The following RASSF8 variants were observed in gnomAD, a reference collection of about 807,000 sequenced individuals.
The protein encoded by RASSF8 is Ras association domain family member 8.
A neutral mutation model predicts 48.5 loss-of-function variants in RASSF8; 22 were observed. The ratio of observed to expected loss-of-function variants is 0.45; its 90% CI spans 0.32 to 0.65. The LOEUF is 0.65. RASSF8 is among the 30% of genes least tolerant of loss of function. The pLI is 0.03. For missense variants in RASSF8, 418 were observed against 489.2 expected, an observed-to-expected ratio of 0.85 and a Z score of 1.37; for synonymous variants, 127 against 171.5, an observed-to-expected ratio of 0.74 and a Z score of 2.03.
intron 1 of RASSF8, among the ~76,000 whole-genome samples, chr12:25,988,436 G>A (rs188714328): frequency 4.6e-5 from 7 of 152,206 alleles, no homozygotes; most frequent in African/African-American, 1.4e-4. Flanking sequence ...GCTAAGATGG[G>A]GTTAACTAGA....
intron 2 of RASSF8, among the ~76,000 whole-genome samples, chr12:26,014,513 GT>G (rs1942601609): frequency 6.6e-6 from 1 of 152,154 alleles, no homozygotes; most frequent in Non-Finnish European, 1.5e-5. Context: ...GGTTTGGACA[GT>G]TGCACTTAAT....
At chr12:26,062,959 G>C (rs977383138) in intron 3 of RASSF8, among the ~76,000 whole-genome samples, 11 of 152,012 alleles carry the variant, frequency 7.2e-5, no homozygotes, top group African/African-American at 2.7e-4. Flanking sequence ...CCCAAATTCA[G>C]GTTTCCCTAA....
chr12:26,079,142 C>A, exon 6 of RASSF8: 1 of 1,085,042 alleles, frequency 9.2e-7, no homozygotes, highest in Non-Finnish European at 1.3e-6. Flanking sequence ...ACCCAAAACT[C>A]CTGCACAACA....
At chr12:26,019,921 G>A (rs1398045485) in intron 2 of RASSF8, among the ~76,000 whole-genome samples, 1 of 151,992 alleles carries the variant, frequency 6.6e-6, no homozygotes, top group East Asian at 1.9e-4. Context: ...TGTCTCTGAG[G>A]TACCTCAGAG....
At chr12:26,036,636 A>C (rs1222467800) in intron 2 of RASSF8, among the ~76,000 whole-genome samples, 1 of 152,142 alleles carries the variant, frequency 6.6e-6, no homozygotes, top group Non-Finnish European at 1.5e-5. Context: ...GGTCGAGCGC[A>C]GTGGCTCACG....
intron 1 of RASSF8, chr12:25,973,969 A>G (rs1017428100): frequency 7.9e-5 from 12 of 152,158 alleles, no homozygotes; most frequent in African/African-American, 1.9e-4. Context: ...AAATTTCTCT[A>G]TGAAGTGAGG....
intron 1 of RASSF8, among the ~76,000 whole-genome samples, chr12:25,984,703 G>A (rs7979763): frequency 0.36 from 54,717 of 152,028 alleles, 11,208 homozygotes; most frequent in Non-Finnish European, 0.46. Context: ...TTACCTTTTA[G>A]TGGAGGACAA....
chr12:26,062,313 T>A (rs978958314), intron 3 of RASSF8, among the ~76,000 whole-genome samples: 1 of 152,244 alleles, frequency 6.6e-6, no homozygotes, highest in African/African-American at 2.4e-5. Flanking sequence ...CTGAAAATCA[T>A]TGGAAACATT....
chr12:26,025,338 A>G (rs1368863005), intron 2 of RASSF8, among the ~76,000 whole-genome samples: 2 of 151,954 alleles, frequency 1.3e-5, no homozygotes, highest in Non-Finnish European at 2.9e-5. Context: ...CGGGCAGATC[A>G]CGAGGTCAGG....
rs200181958 is a variant in RASSF8 at position 25,993,362 on chromosome 12, GAA to G, written c.-202-1673_-202-1672del. On this transcript the variant is annotated intron_variant, in intron 1 of 5. Transcript: ENST00000689635. Reference sequence around the variant, plus strand: ...GAAGATAACAATTATGTCAGTTTTAGAAACTCATTCTCAGCTATCTACTTCCC... The same window carrying G: ...GAAGATAACAATTATGTCAGTTTTAGACTCATTCTCAGCTATCTACTTCCC... Among the ~76,000 whole-genome samples, 426 of 152,262 alleles carry G rather than the reference GAA, an allele frequency of 2.8e-3. 3 individuals carry two copies. The highest frequency in any genetic ancestry group is 9.8e-3 in the African/African-American group (408 of 41,534).
At chr12:26,066,165 G>A (rs1943869974) in intron 4 of RASSF8, among the ~76,000 whole-genome samples, 1 of 152,138 alleles carries the variant, frequency 6.6e-6, no homozygotes, top group Non-Finnish European at 1.5e-5. Context: ...CATTTCAAGT[G>A]CCCAGTAGCT....
At chr12:25,991,398 T>A (rs988782048) in intron 1 of RASSF8, among the ~76,000 whole-genome samples, 5 of 152,154 alleles carry the variant, frequency 3.3e-5, no homozygotes, top group African/African-American at 1.2e-4. Flanking sequence ...GCCCCATGCC[T>A]ACAGACGTAA....
At chr12:26,035,787 A>G (rs1394819686) in intron 2 of RASSF8, among the ~76,000 whole-genome samples, 3 of 145,102 alleles carry the variant, frequency 2.1e-5, no homozygotes, top group Non-Finnish European at 4.5e-5. Flanking sequence ...TATATATGAT[A>G]TACATCACTA....
At chr12:26,011,725 A>G (rs763767973) in intron 2 of RASSF8, 3 of 152,224 alleles carry the variant, frequency 2.0e-5, no homozygotes, top group Non-Finnish European at 2.9e-5. Context: ...GGACACAGCT[A>G]GAAGGCACCA....
chr12:26,025,175 A>G (rs1942878879), intron 2 of RASSF8, among the ~76,000 whole-genome samples: 1 of 152,192 alleles, frequency 6.6e-6, no homozygotes. Flanking sequence ...TCTCCTGAAG[A>G]TCAGAAAGAA....
intron 1 of RASSF8, among the ~76,000 whole-genome samples, chr12:25,961,529 G>A (rs1404165624): frequency 6.6e-6 from 1 of 152,132 alleles, no homozygotes; most frequent in Non-Finnish European, 1.5e-5. Context: ...TGGAAAGAAT[G>A]TTTACCCCAC....
At chr12:26,009,421 G>A (rs1322770283) in intron 2 of RASSF8, among the ~76,000 whole-genome samples, 1 of 152,188 alleles carries the variant, frequency 6.6e-6, no homozygotes, top group Admixed American at 6.5e-5. Context: ...TGGGAAGGCT[G>A]TTACTGGCAT....
At chr12:26,018,233 T>G (rs1942698370) in intron 2 of RASSF8, among the ~76,000 whole-genome samples, 1 of 152,336 alleles carries the variant, frequency 6.6e-6, no homozygotes, top group South Asian at 2.1e-4. Flanking sequence ...AATATAAATT[T>G]AAATGCTATG....
At chr12:26,026,165 A>G (rs1344378999) in intron 2 of RASSF8, among the ~76,000 whole-genome samples, 1 of 151,734 alleles carries the variant, frequency 6.6e-6, no homozygotes, top group East Asian at 1.9e-4. Context: ...ATTTGTGTTC[A>G]CATGACACCA....
Sources: gnomAD v4.1 joint callset for allele counts (sites outside exome capture counted in the v4.1 genomes callset) on GRCh38, gnomAD v4.1.1 for gene constraint, MANE v1.5 for transcripts, NCBI Gene and HGNC (gene_info 2026-07-23, HGNC 2026-07-21) for gene names.